The following MYBPHL variants were observed in gnomAD, a reference collection of about 807,000 sequenced individuals.
MYBPHL encodes the protein myosin binding protein H like, also known as myosin-binding protein H-like.
MYBPHL carries 32 observed loss-of-function variants against 39.5 expected under a neutral mutation model. The observed-to-expected ratio is 0.81, with a 90% confidence interval of 0.61 to 1.09. The LOEUF (loss-of-function observed/expected upper bound fraction) is 1.09, where lower values mean the gene tolerates loss of function less well. Ranked by LOEUF, MYBPHL falls within the 50% of genes least tolerant of loss-of-function variation. MYBPHL has a pLI of 0.00. For synonymous variants in MYBPHL, 196 were observed against 183.7 expected (o/e 1.07, Z -0.54); for missense variants, 456 against 460.2 (o/e 0.99, Z 0.08).
intron 6 of MYBPHL, among the ~76,000 whole-genome samples, chr1:109,295,811 C>A (rs1658037916): frequency 6.6e-6 from 1 of 152,146 alleles, no homozygotes; most frequent in Admixed American, 6.5e-5. Flanking sequence ...GTGTGTGGAG[C>A]ATGATGACTA....
chr1:109,294,771 G>A (rs942071180), intron 7 of MYBPHL, among the ~76,000 whole-genome samples: 5 of 152,136 alleles, frequency 3.3e-5, no homozygotes, highest in African/African-American at 9.7e-5. Flanking sequence ...TGAGCTGAGC[G>A]AGGACCCGGA....
intron 1 of MYBPHL, 39 bp from the exon 2 acceptor site, chr1:109,298,296 CAG>C: frequency 1.3e-6 from 2 of 1,567,046 alleles, no homozygotes; most frequent in Admixed American, 3.5e-5. Flanking sequence ...GATGGATACT[CAG>C]AGAAAGTAAA....
chr1:109,302,833 C>T (rs913340360), intron 1 of MYBPHL, among the ~76,000 whole-genome samples: 2 of 152,218 alleles, frequency 1.3e-5, no homozygotes, highest in African/African-American at 2.4e-5. Flanking sequence ...CCTTCCGTAG[C>T]GTAGCTATCT....
intron 1 of MYBPHL, among the ~76,000 whole-genome samples, chr1:109,300,786 G>A (rs1393551916): frequency 3.3e-5 from 5 of 152,154 alleles, no homozygotes; most frequent in African/African-American, 9.7e-5. Context: ...GGCTGCCCGC[G>A]AGGACGGCAG....
intron 1 of MYBPHL, 139 bp from the exon 2 acceptor site, chr1:109,298,396 C>G (rs1226389351): frequency 1.5e-6 from 1 of 676,924 alleles, no homozygotes; most frequent in Non-Finnish European, 2.5e-6. Flanking sequence ...GAAGAGTGCT[C>G]CCATCATCCT....
At chr1:109,306,578 G>C (rs576836836) in intron 1 of MYBPHL, among the ~76,000 whole-genome samples, 3 of 152,276 alleles carry the variant, frequency 2.0e-5, no homozygotes, top group African/African-American at 7.2e-5. Flanking sequence ...AATATAAACA[G>C]ATCATTTTTA....
chr1:109,301,382 C>G (rs1658271406), intron 1 of MYBPHL, among the ~76,000 whole-genome samples: 1 of 152,186 alleles, frequency 6.6e-6, no homozygotes, highest in African/African-American at 2.4e-5. Flanking sequence ...CTGAGTTAGG[C>G]TCTCTCTGTA....
chr1:109,296,310 G>C lies in MYBPHL; in HGVS notation c.791C>G (p.Thr264Ser), dbSNP rs1038122707. The change falls in exon 6 of 9, where the codon ACC becomes AGC. Residue 264 changes from threonine (T) to serine (S), a missense_variant. Thr to Ser is a moderately conservative substitution (Grantham distance 58). Transcript: ENST00000357155. ...QRDFSEAPKF[T>S]QPLADCTTVT... is the part of the protein sequence containing the mutation. ...TGTAGTGCAGTCGGCCAGAGGCTGGGTAAACTTTGGGGCTTCAGAGAAGTC... is the reference window on the plus strand; with the variant it reads ...TGTAGTGCAGTCGGCCAGAGGCTGGCTAAACTTTGGGGCTTCAGAGAAGTC... 5 of 1,614,068 alleles carry C rather than the reference G, an allele frequency of 3.1e-6. No individual in the cohort carries two copies. In the African/African-American group the frequency reaches 6.7e-5, roughly 22 times the overall value.
At chr1:109,293,051 T>C (rs1162863442) in intron 8 of MYBPHL, 1 of 152,226 alleles carries the variant, frequency 6.6e-6, no homozygotes, top group Admixed American at 6.5e-5. Context: ...GAGGATTTTC[T>C]TCTCTTGGAA....
At chr1:109,294,335 A>G in intron 7 of MYBPHL, 86 bp from the exon 8 acceptor site, 1 of 1,354,904 alleles carries the variant, frequency 7.4e-7, no homozygotes, top group East Asian at 2.3e-5. Context: ...GGAATATTCT[A>G]TTTCAGGTTC....
Position 109,296,231 on chromosome 1 carries a change from C to T in MYBPHL, c.867+3G>A, listed in dbSNP as rs1234038970. ...CACAGTGCCCCCCAGAGCCCCCACT[C>T]ACCCGGGGAGAGGCGCGGACACAGC... On this transcript the variant is annotated splice_donor_region_variant and intron_variant, in intron 6 of 8. Coordinates refer to ENST00000357155, the MANE Select transcript of MYBPHL (RefSeq NM_001010985.3). 1.9e-6 allele frequency: 3 copies of T among 1,613,006 alleles called. No individual in the cohort carries two copies. The highest frequency in any genetic ancestry group is 2.7e-5 in the African/African-American group (2 of 74,868).
In MYBPHL at chr1:109,297,083, T is replaced by C; in HGVS notation, c.537A>G (p.Gly179=). 1.2e-6 allele frequency: 2 copies of C among 1,614,112 alleles called. No individual in the cohort carries two copies. The highest frequency in any genetic ancestry group is 2.2e-5 in the South Asian group (2 of 91,076). ...PQDTGNTALL[G]YTVQKADTKS... is the part of the protein sequence containing the mutation. ...TTGTGTCAGCCTTCTGCACCGTGTA[T>C]CCCAGAAGTGCTGTATTCCCCGTAT... Residue 179 remains glycine (G), a synonymous_variant, in exon 4 of 9, where the codon GGA becomes GGG. Coordinates refer to ENST00000357155, the MANE Select transcript of MYBPHL (RefSeq NM_001010985.3).
At chr1:109,298,978 T>C (rs984033328) in intron 1 of MYBPHL, among the ~76,000 whole-genome samples, 38 of 152,220 alleles carry the variant, frequency 2.5e-4, no homozygotes, top group African/African-American at 9.2e-4. Flanking sequence ...ATGATGTGTA[T>C]GGGCTTCCAG....
chr1:109,301,939 G>A (rs904781537), intron 1 of MYBPHL, among the ~76,000 whole-genome samples: 4 of 152,136 alleles, frequency 2.6e-5, no homozygotes, highest in Admixed American at 2.0e-4. Context: ...CCTAGGGGCT[G>A]TATAGTTCAG....
intron 2 of MYBPHL, 37 bp downstream of exon 2, chr1:109,298,132 C>G: frequency 1.3e-6 from 2 of 1,526,294 alleles, no homozygotes; most frequent in Non-Finnish European, 1.8e-6. Context: ...CTGCACTGGC[C>G]CCAGACATGG....
At position 109,295,207 on chromosome 1, in the gene MYBPHL, T is replaced by C; in HGVS notation, c.958A>G (p.Ile320Val). ...CCATCAAAGGGACCCGGCTTGCGGA[T>C]CTCTAGGGAGCAGATTCCCAGGTGA... The part of the protein sequence containing the change: ...LTHLGICSLE[I>V]RKPGPFDGGI... Residue 320 changes from isoleucine to valine, a missense_variant, in exon 7 of 9, where the codon ATC (isoleucine) becomes GTC (valine). Transcript: ENST00000357155. 12 of 1,614,124 alleles carry C rather than the reference T, an allele frequency of 7.4e-6. No homozygotes were observed. Among genetic ancestry groups the C allele is most frequent in the Non-Finnish European group, 1.0e-5 (12 of 1,180,018 alleles).
chr1:109,306,532 C>T (rs1658475021), intron 1 of MYBPHL, among the ~76,000 whole-genome samples: 1 of 152,190 alleles, frequency 6.6e-6, no homozygotes, highest in African/African-American at 2.4e-5. Context: ...TATATCAGGT[C>T]TTCCCAGTCC....
At chr1:109,302,666 T>A (rs759710803) in intron 1 of MYBPHL, among the ~76,000 whole-genome samples, 2 of 152,120 alleles carry the variant, frequency 1.3e-5, no homozygotes, top group Non-Finnish European at 2.9e-5. Flanking sequence ...ACTCCTCCAA[T>A]AACTTTGTCC....
At chr1:109,296,444 T>A in intron 5 of MYBPHL, 74 bp from the exon 6 acceptor site, 1 of 1,409,152 alleles carries the variant, frequency 7.1e-7, no homozygotes, top group Non-Finnish European at 9.5e-7. Flanking sequence ...CCTTAGTATT[T>A]TTTTTTTTTT....
Sources: gnomAD v4.1 joint callset for allele counts (sites outside exome capture counted in the v4.1 genomes callset) on GRCh38, gnomAD v4.1.1 for gene constraint, MANE v1.5 for transcripts, NCBI Gene and HGNC (gene_info 2026-07-23, HGNC 2026-07-21) for gene names.